Variants in ZNF148 observed in about 807,000 individuals in gnomAD.
ZNF148 encodes the protein Beta-Enolase Repressor Factor-1.
A neutral mutation model predicts 67.7 loss-of-function variants in ZNF148; 7 were observed. The observed-to-expected ratio is 0.10, with a 90% CI of 0.06 to 0.19. ZNF148 has a LOEUF of 0.19. ZNF148 is among the 10% of genes least tolerant of loss of function. The probability of loss-of-function intolerance (pLI) is 1.00; values close to 1 mark genes in which losing one functional copy is unlikely to be tolerated. For synonymous variants in ZNF148, 333 were observed against 330.7 expected, an observed-to-expected ratio of 1.01 and a Z score of -0.08; for missense variants, 583 against 947.1, an observed-to-expected ratio of 0.62 and a Z score of 5.05.
chr3:125,269,335 C>A (rs1937616930), intron 7 of ZNF148, among the ~76,000 whole-genome samples: 1 of 150,924 alleles, frequency 6.6e-6, no homozygotes. Flanking sequence ...GAGCCCAGAT[C>A]ATGCCATCGC....
In ZNF148 at chr3:125,319,087, AC is replaced by A. The variant is rs538182862; in HGVS notation, c.-17+4221del. Reference sequence around the variant, plus strand: ...AAGCCTAACTGCAGTGGCTTAGGTAACCCTCTAGTCATTTAAGCCTAGTGGC... The same window carrying A: ...AAGCCTAACTGCAGTGGCTTAGGTAACCTCTAGTCATTTAAGCCTAGTGGC... On this transcript the variant is annotated intron_variant, in intron 3 of 8. Transcript: ENST00000360647. Among the ~76,000 whole-genome samples the A allele has an allele frequency of 3.5e-4, 54 of 152,174 alleles. 1 individual carries two copies. In the South Asian group the frequency reaches 0.011, roughly 30 times the overall value.
intron 4 of ZNF148, among the ~76,000 whole-genome samples, chr3:125,309,234 C>T (rs1940065154): frequency 6.6e-6 from 1 of 152,044 alleles, no homozygotes. Flanking sequence ...AACTTTTCCT[C>T]AATTAAAAAC....
intron 1 of ZNF148, among the ~76,000 whole-genome samples, chr3:125,349,051 T>C (rs1473859537): frequency 6.6e-6 from 1 of 152,170 alleles, no homozygotes; most frequent in Non-Finnish European, 1.5e-5. Context: ...GAATTGAAGT[T>C]TGACCCTCAT....
At chr3:125,299,591 T>C (rs1220827992) in intron 4 of ZNF148, among the ~76,000 whole-genome samples, 1 of 152,148 alleles carries the variant, frequency 6.6e-6, no homozygotes, top group Non-Finnish European at 1.5e-5. Context: ...AAAAAGGATA[T>C]AAACTGGGTC....
intron 6 of ZNF148, 86 bp downstream of exon 6, chr3:125,279,038 T>C: frequency 1.5e-6 from 2 of 1,371,940 alleles, no homozygotes; most frequent in African/African-American, 1.5e-5. Context: ...GCTATGGTCT[T>C]AGGAATGAAT....
Position 125,234,300 on chromosome 3 carries a change from C to T in ZNF148, c.697G>A (p.Gly233Ser), listed in dbSNP as rs1935983374. ...GEKPFRCDEC[G>S]MRFIQKYHME... ...TGATATTTTTGTATGAATCTCATAC[C>T]ACATTCATCACAGCGAAATGGTTTT... Residue 233 changes from glycine (G) to serine (S), a missense_variant, in exon 8 of 9, where the codon GGT (glycine) becomes AGT (serine). This residue lies in a region of ZNF148 where 25 missense variants were observed against 142.0 expected (regional missense o/e 0.18). Coordinates refer to ENST00000360647, the MANE Select transcript of ZNF148 (RefSeq NM_021964.3). 1.2e-6 allele frequency: 2 copies of T among 1,608,872 alleles called. No individual in the cohort carries two copies. The highest frequency in any genetic ancestry group is 1.7e-6 in the Non-Finnish European group (2 of 1,177,090).
intron 6 of ZNF148, among the ~76,000 whole-genome samples, chr3:125,278,108 G>T (rs2107606232): frequency 6.6e-6 from 1 of 152,206 alleles, no homozygotes; most frequent in African/African-American, 2.4e-5. Flanking sequence ...GGGTGAGAAA[G>T]AAATACAGGT....
At chr3:125,328,865 GAT>G (rs771955838) in intron 2 of ZNF148, among the ~76,000 whole-genome samples, 2 of 152,010 alleles carry the variant, frequency 1.3e-5, no homozygotes, top group Middle Eastern at 3.2e-3. Context: ...TTGTCAAAGA[GAT>G]AGAGAGATCC....
intron 4 of ZNF148, among the ~76,000 whole-genome samples, chr3:125,308,635 G>T (rs964382850): frequency 1.3e-5 from 2 of 151,190 alleles, no homozygotes; most frequent in African/African-American, 4.9e-5. Context: ...AAAATTGGAG[G>T]ACATACACAA....
intron 7 of ZNF148, among the ~76,000 whole-genome samples, chr3:125,244,240 T>C (rs894859937): frequency 1.3e-5 from 2 of 152,172 alleles, no homozygotes; most frequent in South Asian, 4.1e-4. Flanking sequence ...ATCAGCTGTT[T>C]ATGGATAAAA....
intron 4 of ZNF148, among the ~76,000 whole-genome samples, chr3:125,304,395 G>A (rs1029785173): frequency 6.6e-6 from 1 of 152,124 alleles, no homozygotes; most frequent in East Asian, 1.9e-4. Flanking sequence ...ATGTATCTAA[G>A]TAAGAGTGCC....
At chr3:125,295,690 C>A (rs1939246757) in intron 4 of ZNF148, among the ~76,000 whole-genome samples, 1 of 152,150 alleles carries the variant, frequency 6.6e-6, no homozygotes, top group African/African-American at 2.4e-5. Flanking sequence ...CTTTGCTCAC[C>A]TGTAACCTGG....
At chr3:125,350,093 A>AGAAC (rs1222292434) in intron 1 of ZNF148, among the ~76,000 whole-genome samples, 1 of 152,230 alleles carries the variant, frequency 6.6e-6, no homozygotes, top group Non-Finnish European at 1.5e-5. Flanking sequence ...AACTAAAAAT[A>AGAAC]GAACTACTGT....
rs2107605747 is a variant in ZNF148, at chr3:125,277,817, T to C, written c.584-8A>G. 2.5e-6 allele frequency: 4 copies of C among 1,601,580 alleles called. No individual in the cohort carries two copies. The highest frequency in any genetic ancestry group is 2.6e-6 in the Non-Finnish European group (3 of 1,173,784). On this transcript the variant is annotated splice_region_variant and splice_polypyrimidine_tract_variant and intron_variant, in intron 6 of 8. Coordinates refer to ENST00000360647, the MANE Select transcript of ZNF148 (RefSeq NM_021964.3). Reference sequence around the variant, plus strand: ...ATTGAAATGGTTTTTCACCTTAAAATAATTTCACATCCACAAATTAGTTAC... The same window carrying C: ...ATTGAAATGGTTTTTCACCTTAAAACAATTTCACATCCACAAATTAGTTAC...
At chr3:125,366,347 A>G (rs1439347859) in intron 1 of ZNF148, among the ~76,000 whole-genome samples, 1 of 152,222 alleles carries the variant, frequency 6.6e-6, no homozygotes, top group African/African-American at 2.4e-5. Flanking sequence ...CATATCAAAT[A>G]CAAACTACTT....
Position 125,233,202 on chromosome 3 carries a change from G to T in ZNF148, c.1524C>A (p.Val508=). The change falls in exon 9 of 9, where the codon GTC becomes GTA. Residue 508 remains valine, a synonymous_variant. Transcript: ENST00000360647. The surrounding 1 kb of genome is among the most constrained non-coding windows in gnomAD (Gnocchi z 5.1). ...TGGATGCCGTGGTACTTTCATCAATGACACTTGCCACAGCTGCTTGTGTTA... is the reference window on the plus strand; with the variant it reads ...TGGATGCCGTGGTACTTTCATCAATTACACTTGCCACAGCTGCTTGTGTTA... ...PSVTQAAVAS[V]IDESTTASIL... is the part of the protein sequence containing the mutation. The T allele has an allele frequency of 6.2e-7, 1 of 1,613,842 alleles. No individual in the cohort carries two copies. The highest frequency in any genetic ancestry group is 8.5e-7 in the Non-Finnish European group (1 of 1,179,894).
chr3:125,313,454 C>T lies in ZNF148; in HGVS notation c.187G>A (p.Val63Met). ...PHQEILAADE[V>M]LQESEMRQQD... is the part of the protein sequence containing the mutation. ...TGTCTCATTTCACTTTCTTGTAACA[C>T]TTCATCTGCAGCAAGGATCTCCTGG... The change falls in exon 4 of 9, where the codon GTG becomes ATG. Residue 63 changes from valine (V) to methionine (M), a missense_variant. Physicochemically the swap from Val to Met is conservative, Grantham distance 21. Transcript: ENST00000360647. 6.2e-7 allele frequency: 1 copy of T among 1,614,152 alleles called. No individual in the cohort carries two copies. Among genetic ancestry groups the T allele is most frequent in the Non-Finnish European group, 8.5e-7 (1 of 1,180,040 alleles).
At chr3:125,248,894 G>A (rs894419752) in intron 7 of ZNF148, among the ~76,000 whole-genome samples, 6 of 152,174 alleles carry the variant, frequency 3.9e-5, no homozygotes, top group Non-Finnish European at 5.9e-5. Flanking sequence ...GAAGTGTTCT[G>A]CTGCAAGAGG....
In ZNF148 at chr3:125,291,378, T is replaced by C. The variant is rs947454833; in HGVS notation, c.334-3150A>G. On this transcript the variant is annotated intron_variant, in intron 4 of 8. Transcript: ENST00000360647. ...CCCCAGCTCAGCTTTCAAAATTCTATATGATCCACTTTACAGAAAAGACCT... is the reference window on the plus strand; with the variant it reads ...CCCCAGCTCAGCTTTCAAAATTCTACATGATCCACTTTACAGAAAAGACCT... Among the ~76,000 whole-genome samples, 9 of 152,296 alleles carry C rather than the reference T, an allele frequency of 5.9e-5. No homozygotes were observed. The East Asian group carries it at 1.2e-3, about 20-fold the overall frequency.
Sources: gnomAD v4.1 joint callset for allele counts (sites outside exome capture counted in the v4.1 genomes callset) on GRCh38, gnomAD v4.1.1 for gene constraint, gnomAD v4.1.1 regional missense constraint, Gnocchi (gnomAD v3.1) non-coding constraint, MANE v1.5 for transcripts, NCBI Gene and HGNC (gene_info 2026-07-23, HGNC 2026-07-21) for gene names.